The following TYW1 variants were observed in gnomAD, a reference collection of about 807,000 sequenced individuals.
TYW1 encodes the protein tRNA-yW synthesizing protein 1 homolog.
Under a neutral mutation model 96.2 loss-of-function variants are expected in TYW1, and 46 were observed. That is an observed-to-expected ratio of 0.48 (90% CI 0.38 to 0.61). The LOEUF is 0.61. Among genes scored for constraint, TYW1 ranks in the 20% least tolerant of loss-of-function variants. TYW1 has a pLI of 0.00. For missense variants in TYW1, 684 were observed against 909.6 expected, an observed-to-expected ratio of 0.75 and a Z score of 3.19; for synonymous variants, 274 against 323.0, an observed-to-expected ratio of 0.85 and a Z score of 1.63.
At chr7:67,098,351 G>A (rs1451379184) in intron 11 of TYW1, among the ~76,000 whole-genome samples, 190 bp from the exon 12 acceptor site, 4 of 152,244 alleles carry the variant, frequency 2.6e-5, no homozygotes, top group Non-Finnish European at 5.9e-5. Flanking sequence ...CCAAAACTAA[G>A]AATGAGGTTA....
chr7:67,138,596 A>G (rs935610443), intron 13 of TYW1, among the ~76,000 whole-genome samples: 4 of 152,048 alleles, frequency 2.6e-5, no homozygotes, highest in Non-Finnish European at 4.4e-5. Context: ...TTTTGTACCC[A>G]TTAACCATCC....
chr7:67,008,372 C>T (rs763606004), intron 3 of TYW1, among the ~76,000 whole-genome samples: 11 of 152,218 alleles, frequency 7.2e-5, no homozygotes, highest in Non-Finnish European at 1.6e-4. Context: ...CCCCTCTTCT[C>T]TCCCTAGTGT....
chr7:67,047,466 A>G (rs1237508020), intron 7 of TYW1, among the ~76,000 whole-genome samples: 1 of 152,198 alleles, frequency 6.6e-6, no homozygotes, highest in Non-Finnish European at 1.5e-5. Flanking sequence ...TAAGCTAATT[A>G]CATTTATTAT....
chr7:67,108,749 A>G (rs1031474716), intron 12 of TYW1, among the ~76,000 whole-genome samples: 1 of 152,050 alleles, frequency 6.6e-6, no homozygotes, highest in Non-Finnish European at 1.5e-5. Context: ...GTCTGAATAC[A>G]GGTTCTTTTC....
At chr7:67,062,577 A>AAAAAAAAAAAAAAAG (rs773963932) in intron 9 of TYW1, among the ~76,000 whole-genome samples, 3,801 of 145,994 alleles carry the variant, frequency 0.026, 81 homozygotes, top group Non-Finnish European at 0.04. Flanking sequence ...AAAAAAAAAA[A>AAAAAAAAAAAAAAAG]AAAAGAAAAG....
chr7:67,181,207 A>G (rs1355326020), intron 13 of TYW1, among the ~76,000 whole-genome samples: 1 of 152,172 alleles, frequency 6.6e-6, no homozygotes. Flanking sequence ...CTAATATTGA[A>G]TTGTTTTTGC....
chr7:67,029,958 G>A lies in TYW1; in HGVS notation c.984+4936G>A, dbSNP rs758278626. On this transcript the variant is annotated intron_variant, in intron 7 of 15. Coordinates refer to ENST00000359626, the MANE Select transcript of TYW1 (RefSeq NM_018264.4). ...ATTATAAAGGCCACAGATCAGAAAC[G>A]GTCAAATGGAAGAGATACTCTCGGT... 1.2e-3 allele frequency among the ~76,000 whole-genome samples: 175 copies of A among 152,070 alleles called. 2 individuals carry two copies. The highest frequency in any genetic ancestry group is 1.1e-3 in the Non-Finnish European group (73 of 68,010).
chr7:67,065,860 T>C (rs867924195), intron 9 of TYW1, among the ~76,000 whole-genome samples: 18 of 151,962 alleles, frequency 1.2e-4, no homozygotes, highest in Admixed American at 8.5e-4. Context: ...AAAATACAAA[T>C]ACTAGCTGGG....
chr7:67,215,004 C>T (rs1239844306), intron 15 of TYW1, among the ~76,000 whole-genome samples: 1 of 149,490 alleles, frequency 6.7e-6, no homozygotes, highest in Non-Finnish European at 1.5e-5. Flanking sequence ...CAGGGTAATG[C>T]CAGTCTCATA....
chr7:67,018,605 C>CAG (rs531369682), intron 6 of TYW1, among the ~76,000 whole-genome samples: 4 of 150,392 alleles, frequency 2.7e-5, no homozygotes, highest in Admixed American at 6.6e-5. Flanking sequence ...GGTGGTGTTT[C>CAG]AGAGAGAGAG....
At chr7:67,010,457 T>C (rs1793753577) in intron 4 of TYW1, among the ~76,000 whole-genome samples, 1 of 151,766 alleles carries the variant, frequency 6.6e-6, no homozygotes, top group South Asian at 2.1e-4. Context: ...TGTGCTGCCA[T>C]GCCCTGCTAA....
chr7:67,139,157 A>G (rs140309616), intron 13 of TYW1, among the ~76,000 whole-genome samples: 2 of 152,170 alleles, frequency 1.3e-5, no homozygotes, highest in East Asian at 1.9e-4. Context: ...GGTTCAAGCA[A>G]TTCTCCTGCC....
intron 15 of TYW1, among the ~76,000 whole-genome samples, chr7:67,209,291 G>A (rs778496941): frequency 6.6e-6 from 1 of 152,202 alleles, no homozygotes; most frequent in African/African-American, 2.4e-5. Flanking sequence ...TGCTTTGGAG[G>A]GGGTGGCTGG....
intron 7 of TYW1, among the ~76,000 whole-genome samples, chr7:67,029,360 CTTAG>C (rs1222921191): frequency 2.6e-5 from 3 of 117,092 alleles, no homozygotes; most frequent in Non-Finnish European, 5.5e-5. Context: ...TATTTGCAAA[CTTAG>C]TTAAATATGT....
At chr7:67,150,794 C>G (rs1442530969) in intron 13 of TYW1, among the ~76,000 whole-genome samples, 1 of 150,106 alleles carries the variant, frequency 6.7e-6, no homozygotes, top group Admixed American at 6.6e-5. Flanking sequence ...TTTTTTCCCC[C>G]CTGTCTGACC....
At position 67,183,155 on chromosome 7, in the gene TYW1, C is replaced by T. The variant is rs764577174; in HGVS notation, c.1728C>T (p.Leu576=). 43 of 1,612,362 alleles carry T rather than the reference C, an allele frequency of 2.7e-5. No homozygotes were observed. Among genetic ancestry groups the T allele is most frequent in the East Asian group, 8.9e-5 (4 of 44,830 alleles). ...KQQRTVYRLT[L]VKAWNVDELQ... ...AACGAACTGTCTACAGACTGACGCT[C>T]GTGAAAGCATGGAACGTGGACGAGC... The change falls in exon 14 of 16, where the codon CTC becomes CTT. Residue 576 remains leucine (L), a synonymous_variant. Coordinates refer to ENST00000359626, the MANE Select transcript of TYW1 (RefSeq NM_018264.4).
intron 3 of TYW1, among the ~76,000 whole-genome samples, chr7:67,000,969 G>C (rs926063457): frequency 1.5e-4 from 23 of 152,064 alleles, no homozygotes; most frequent in African/African-American, 5.1e-4. Flanking sequence ...ACCTTAAGCA[G>C]TGGAGGTGGG....
At chr7:67,210,799 G>GTGTCTATCTGTCCAGCTAATCTC (rs1800984241) in intron 15 of TYW1, among the ~76,000 whole-genome samples, 1 of 116,170 alleles carries the variant, frequency 8.6e-6, no homozygotes, top group Non-Finnish European at 1.8e-5. Context: ...TCATCTGTCT[G>GTGTCTATCTGTCCAGCTAATCTC]TGTCTATCTG....
intron 14 of TYW1, among the ~76,000 whole-genome samples, chr7:67,188,528 G>A (rs1584673356): frequency 6.6e-6 from 1 of 152,156 alleles, no homozygotes; most frequent in Non-Finnish European, 1.5e-5. Context: ...GGGAAGAAAA[G>A]AGACCATTCT....
Sources: allele counts gnomAD v4.1 joint callset (sites outside exome capture counted in the v4.1 genomes callset), GRCh38; gene constraint gnomAD v4.1.1; transcripts MANE v1.5; gene names NCBI Gene and HGNC (gene_info 2026-07-23, HGNC 2026-07-21).